Variants in GPC6 observed in about 807,000 individuals in gnomAD.
GPC6 encodes the protein glypican 6, also known as glypican-6.
Under a neutral mutation model 55.2 loss-of-function variants are expected in GPC6, and 14 were observed. That is an observed-to-expected ratio of 0.25 (90% CI 0.17 to 0.40). The LOEUF (loss-of-function observed/expected upper bound fraction) is 0.40, where lower values mean the gene tolerates loss of function less well. Ranked by LOEUF, GPC6 falls within the 10% of genes least tolerant of loss-of-function variation. The pLI is 1.00. For synonymous variants in GPC6, 278 were observed against 259.6 expected (o/e 1.07, Z -0.68); for missense variants, 641 against 708.5 (o/e 0.90, Z 1.08).
Position 93,789,736 on chromosome 13 carries a change from G to T in GPC6, c.320-40418G>T, listed in dbSNP as rs9584157. Among the ~76,000 whole-genome samples the T allele has an allele frequency of 4.0e-3, 597 of 148,558 alleles. 4 individuals carry two copies. Among genetic ancestry groups the T allele is most frequent in the African/African-American group, 0.014 (581 of 40,208 alleles). ...CCATGGGCTTCAAATGAAGTGGATGGCACAGAGGACAATGAGTTTGATTGG... is the reference window on the plus strand; with the variant it reads ...CCATGGGCTTCAAATGAAGTGGATGTCACAGAGGACAATGAGTTTGATTGG... On this transcript the variant is annotated intron_variant, in intron 2 of 8. Coordinates refer to ENST00000377047, the MANE Select transcript of GPC6 (RefSeq NM_005708.5).
intron 4 of GPC6, among the ~76,000 whole-genome samples, chr13:94,147,388 G>T (rs1887601109): frequency 6.6e-6 from 1 of 152,120 alleles, no homozygotes; most frequent in Non-Finnish European, 1.5e-5. Flanking sequence ...AGGCTCTATA[G>T]CCTGGGTCAA....
intron 4 of GPC6, among the ~76,000 whole-genome samples, chr13:94,241,423 G>C (rs894171694): frequency 1.3e-5 from 2 of 152,112 alleles, no homozygotes; most frequent in African/African-American, 4.8e-5. Context: ...AGGAAGTCCT[G>C]CCTCCATGAG....
At chr13:94,195,408 A>G (rs967673450) in intron 4 of GPC6, among the ~76,000 whole-genome samples, 1 of 152,256 alleles carries the variant, frequency 6.6e-6, no homozygotes, top group African/African-American at 2.4e-5. Flanking sequence ...CTGAAACTCC[A>G]TACAAAAGCA....
At chr13:93,971,047 A>C (rs1212917933) in intron 3 of GPC6, among the ~76,000 whole-genome samples, 1 of 152,240 alleles carries the variant, frequency 6.6e-6, no homozygotes, top group Non-Finnish European at 1.5e-5. Flanking sequence ...ACTTCTTTGA[A>C]AACATTTTTG....
intron 4 of GPC6, among the ~76,000 whole-genome samples, chr13:94,153,314 C>T (rs1887810613): frequency 6.6e-6 from 1 of 152,096 alleles, no homozygotes; most frequent in African/African-American, 2.4e-5. Context: ...TAAAGATCAT[C>T]ACTGTTACCA....
At chr13:93,807,452 A>T (rs1886574914) in intron 2 of GPC6, among the ~76,000 whole-genome samples, 1 of 152,240 alleles carries the variant, frequency 6.6e-6, no homozygotes, top group South Asian at 2.1e-4. Context: ...AAAGTACCAC[A>T]TACAGAGGCT....
At chr13:94,389,121 C>A (rs1594233263) in intron 7 of GPC6, among the ~76,000 whole-genome samples, 1 of 152,270 alleles carries the variant, frequency 6.6e-6, no homozygotes, top group East Asian at 1.9e-4. Context: ...CAGCAACATT[C>A]TGACTCCACT....
At chr13:93,407,060 ATAT>A (rs1248423478) in intron 1 of GPC6, among the ~76,000 whole-genome samples, 5 of 152,086 alleles carry the variant, frequency 3.3e-5, no homozygotes, top group African/African-American at 1.2e-4. Flanking sequence ...GTTAAGTTGT[ATAT>A]TATTGTTGTA....
chr13:94,390,422 A>C (rs915544868), intron 7 of GPC6, among the ~76,000 whole-genome samples: 3 of 152,214 alleles, frequency 2.0e-5, no homozygotes. Context: ...AAAGAGGTTT[A>C]ATTGTCTCAC....
At chr13:94,040,208 A>G (rs191566513) in intron 4 of GPC6, among the ~76,000 whole-genome samples, 1 of 151,888 alleles carries the variant, frequency 6.6e-6, no homozygotes, top group Non-Finnish European at 1.5e-5. Context: ...TTTTACAAAA[A>G]CCTTCCCCAA....
At chr13:94,193,012 G>T (rs1889447710) in intron 4 of GPC6, among the ~76,000 whole-genome samples, 1 of 151,968 alleles carries the variant, frequency 6.6e-6, no homozygotes, top group Admixed American at 6.6e-5. Context: ...TAGACTAAGA[G>T]CTCTATGGGA....
intron 3 of GPC6, among the ~76,000 whole-genome samples, chr13:93,948,756 A>G (rs930157115): frequency 1.3e-5 from 2 of 152,212 alleles, no homozygotes; most frequent in African/African-American, 4.8e-5. Context: ...CTAAAATTAT[A>G]TTTATGTGAT....
chr13:93,231,565 C>T, intron 1 of GPC6, among the ~76,000 whole-genome samples: 1 of 151,248 alleles, frequency 6.6e-6, no homozygotes, highest in African/African-American at 2.4e-5. Context: ...ATTTTGTATT[C>T]TCAGGAATTG....
chr13:93,952,747 G>A (rs182405381), intron 3 of GPC6, among the ~76,000 whole-genome samples: 26 of 150,428 alleles, frequency 1.7e-4, no homozygotes, highest in Non-Finnish European at 3.1e-4. Context: ...GTGTGTGTAT[G>A]TGCGTGTGAC....
At chr13:93,874,426 T>C (rs1276791271) in intron 3 of GPC6, among the ~76,000 whole-genome samples, 1 of 151,776 alleles carries the variant, frequency 6.6e-6, no homozygotes, top group African/African-American at 2.4e-5. Flanking sequence ...ATATGTACCA[T>C]ATTTTCTTTA....
chr13:93,878,801 T>A (rs1223576923), intron 3 of GPC6, among the ~76,000 whole-genome samples: 2 of 152,114 alleles, frequency 1.3e-5, no homozygotes, highest in African/African-American at 2.4e-5. Context: ...ACCCAGCCCT[T>A]AGAACTGTGA....
chr13:94,215,275 G>A lies in GPC6; in HGVS notation c.878-71074G>A, dbSNP rs142634539. On this transcript the variant is annotated intron_variant, in intron 4 of 8. Transcript: ENST00000377047. ...ATTTTTTTTTCTTGTGAAAATAAAG[G>A]GCTTCTCAACATCACCAATCAGTTC... Among the ~76,000 whole-genome samples, 1,214 of 151,994 alleles carry A rather than the reference G, an allele frequency of 8.0e-3. 17 individuals carry two copies. The highest frequency in any genetic ancestry group is 0.027 in the African/African-American group (1,114 of 41,462).
At chr13:93,789,410 A>G (rs923231038) in intron 2 of GPC6, among the ~76,000 whole-genome samples, 4 of 150,042 alleles carry the variant, frequency 2.7e-5, no homozygotes, top group African/African-American at 9.8e-5. Flanking sequence ...AAGTGTACCT[A>G]TCATTACAGT....
intron 4 of GPC6, among the ~76,000 whole-genome samples, chr13:94,185,058 T>C (rs1026227064): frequency 6.6e-6 from 1 of 152,132 alleles, no homozygotes. Context: ...CCAAATGCCG[T>C]ATGTTCTCAC....
Sources: gnomAD v4.1 joint callset for allele counts (sites outside exome capture counted in the v4.1 genomes callset) on GRCh38, gnomAD v4.1.1 for gene constraint, MANE v1.5 for transcripts, NCBI Gene and HGNC (gene_info 2026-07-23, HGNC 2026-07-21) for gene names.